The following EPC2 variants were observed in gnomAD, a reference collection of about 807,000 sequenced individuals.
EPC2 encodes enhancer of polycomb 2.
Under a neutral mutation model 92.1 loss-of-function variants are expected in EPC2, and 14 were observed. The ratio of observed to expected loss-of-function variants is 0.15; its 90% CI spans 0.10 to 0.24. The LOEUF (loss-of-function observed/expected upper bound fraction) is 0.24, where lower values mean the gene tolerates loss of function less well. Ranked by LOEUF, EPC2 falls within the 10% of genes least tolerant of loss-of-function variation. The pLI is 1.00. For synonymous variants in EPC2, 340 were observed against 334.7 expected, an observed-to-expected ratio of 1.02 and a Z score of -0.17; for missense variants, 755 against 971.5, an observed-to-expected ratio of 0.78 and a Z score of 2.96.
At chr2:148,702,149 T>C (rs1681902024) in intron 2 of EPC2, among the ~76,000 whole-genome samples, 1 of 152,188 alleles carries the variant, frequency 6.6e-6, no homozygotes, top group Admixed American at 6.5e-5. Flanking sequence ...AGAAGTCAGG[T>C]GGCTTGTTTT....
At chr2:148,766,237 A>C (rs866198475) in intron 7 of EPC2, among the ~76,000 whole-genome samples, 15 of 152,350 alleles carry the variant, frequency 9.8e-5, no homozygotes, top group Middle Eastern at 3.4e-3. Flanking sequence ...TTTAAAAACC[A>C]ACATTATAGA....
chr2:148,751,399 T>C (rs1005579838), intron 3 of EPC2, among the ~76,000 whole-genome samples: 6 of 152,126 alleles, frequency 3.9e-5, no homozygotes, highest in Non-Finnish European at 7.4e-5. Context: ...AAGTAAATAA[T>C]GTAAATCAAC....
intron 10 of EPC2, among the ~76,000 whole-genome samples, chr2:148,775,920 G>A (rs1191739483): frequency 1.3e-5 from 2 of 151,098 alleles, no homozygotes; most frequent in Non-Finnish European, 3.0e-5. Context: ...TGGGACTACA[G>A]GTGCCCACCA....
chr2:148,759,688 T>A (rs1285878302), intron 4 of EPC2, among the ~76,000 whole-genome samples: 1 of 152,124 alleles, frequency 6.6e-6, no homozygotes, highest in Non-Finnish European at 1.5e-5. Flanking sequence ...ATAGTACTGC[T>A]GATAATTTAT....
intron 2 of EPC2, among the ~76,000 whole-genome samples, chr2:148,694,851 C>G (rs1275784306): frequency 6.6e-6 from 1 of 152,186 alleles, no homozygotes; most frequent in Non-Finnish European, 1.5e-5. Flanking sequence ...CACAACCTTC[C>G]TCACCGCCCC....
At chr2:148,743,936 GA>G (rs1319044908) in intron 3 of EPC2, among the ~76,000 whole-genome samples, 169 bp downstream of exon 3, 2 of 152,038 alleles carry the variant, frequency 1.3e-5, no homozygotes, top group Non-Finnish European at 1.5e-5. Flanking sequence ...CAATTTCTTT[GA>G]ATAAGAGTAT....
chr2:148,786,458 GGATCACAGAGTGTAACAA>G lies in EPC2; in HGVS notation c.*82_*99del. The G allele has an allele frequency of 9.1e-7, 1 of 1,095,706 alleles. No individual in the cohort carries two copies. Among genetic ancestry groups the G allele is most frequent in the African/African-American group, 1.6e-5 (1 of 64,394 alleles). 67.9% of individuals were successfully genotyped at this position (1,095,706 alleles called of 1,614,324 possible). A position where few individuals can be genotyped will look rare whatever the true frequency, so the allele number is the denominator to read the frequency against. Reference sequence around the variant, plus strand: ...CTGAATGCAAAAGGCAACACTCTGTGGATCACAGAGTGTAACAATGGACCTAAATGGACTATAGTATAT... The same window carrying G: ...CTGAATGCAAAAGGCAACACTCTGTGTGGACCTAAATGGACTATAGTATAT... On this transcript the variant is annotated 3_prime_UTR_variant, in exon 14 of 14. Coordinates refer to ENST00000258484, the MANE Select transcript of EPC2 (RefSeq NM_015630.4).
chr2:148,686,672 C>A (rs1681532850), intron 1 of EPC2, among the ~76,000 whole-genome samples: 1 of 152,202 alleles, frequency 6.6e-6, no homozygotes, highest in South Asian at 2.1e-4. Flanking sequence ...TGAATGTTGT[C>A]TTAGCAGGCA....
chr2:148,768,798 G>A (rs548012849), intron 7 of EPC2, among the ~76,000 whole-genome samples: 42 of 152,014 alleles, frequency 2.8e-4, no homozygotes, highest in Admixed American at 8.5e-4. Context: ...ACCTATAGGT[G>A]AAGTAAATAT....
intron 2 of EPC2, among the ~76,000 whole-genome samples, chr2:148,718,627 C>G (rs537803181): frequency 6.6e-6 from 1 of 152,202 alleles, no homozygotes; most frequent in South Asian, 2.1e-4. Context: ...GATGGGCTTC[C>G]CCTTGTAGGT....
At chr2:148,688,462 A>G (rs1681574480) in intron 1 of EPC2, among the ~76,000 whole-genome samples, 1 of 152,188 alleles carries the variant, frequency 6.6e-6, no homozygotes, top group Non-Finnish European at 1.5e-5. Context: ...ACCTAATGCT[A>G]AATGATGAGT....
chr2:148,769,318 G>T lies in EPC2; in HGVS notation c.1230+78G>T, dbSNP rs867534041. 8 of 1,020,452 alleles carry T rather than the reference G, an allele frequency of 7.8e-6. No homozygotes were observed. The Middle Eastern group carries it at 1.2e-3, about 156-fold the overall frequency. The allele number at this position is 1,020,452 out of a possible 1,614,324, so 63.2% of individuals were successfully genotyped here. A position where few individuals can be genotyped will look rare whatever the true frequency, so the allele number is the denominator to read the frequency against. On this transcript the variant is annotated intron_variant, in intron 8 of 13. Coordinates refer to ENST00000258484, the MANE Select transcript of EPC2 (RefSeq NM_015630.4). ...ACCCATGTCAAGATGACTTAGTCTTGATCTAAAAATGGGAAATGCATCAGT... is the reference window on the plus strand; with the variant it reads ...ACCCATGTCAAGATGACTTAGTCTTTATCTAAAAATGGGAAATGCATCAGT...
intron 13 of EPC2, among the ~76,000 whole-genome samples, chr2:148,786,101 A>AT (rs1380997268): frequency 1.3e-5 from 2 of 152,242 alleles, no homozygotes; most frequent in African/African-American, 4.8e-5. Context: ...AATAGCCATA[A>AT]TAAAAAAATT....
Position 148,787,018 on chromosome 2 carries a change from T to C in EPC2, c.*641T>C, listed in dbSNP as rs1683881467. 6.6e-6 allele frequency: 1 copy of C among 152,650 alleles called. No homozygotes were observed. Among genetic ancestry groups the C allele is most frequent in the Non-Finnish European group, 1.5e-5 (1 of 68,048 alleles). 9.5% of individuals were successfully genotyped at this position (152,650 alleles called of 1,614,324 possible). On this transcript the variant is annotated 3_prime_UTR_variant, in exon 14 of 14. Transcript: ENST00000258484. Reference sequence around the variant, plus strand: ...CAAATTTAATGTAGTAACTCACTTTTCCATATATTTTGAATGTATATTTCT... The same window carrying C: ...CAAATTTAATGTAGTAACTCACTTTCCCATATATTTTGAATGTATATTTCT...
chr2:148,689,924 AG>A (rs1681610813), intron 1 of EPC2, among the ~76,000 whole-genome samples: 2 of 152,202 alleles, frequency 1.3e-5, no homozygotes, highest in South Asian at 4.1e-4. Context: ...TCTAGCAAAC[AG>A]ATTAATTTTT....
chr2:148,772,647 A>G (rs1683549612), intron 10 of EPC2, among the ~76,000 whole-genome samples: 1 of 152,276 alleles, frequency 6.6e-6, no homozygotes, highest in East Asian at 1.9e-4. Flanking sequence ...TTGGTTGGTT[A>G]ATTTTCTCCT....
At chr2:148,734,803 CT>C (rs35981733) in intron 2 of EPC2, among the ~76,000 whole-genome samples, 6,880 of 137,646 alleles carry the variant, frequency 0.05, 170 homozygotes, top group African/African-American at 0.089. Flanking sequence ...GAATTGATTT[CT>C]TTTTTTTTTT....
At chr2:148,695,901 A>G (rs557946477) in intron 2 of EPC2, among the ~76,000 whole-genome samples, 2 of 152,368 alleles carry the variant, frequency 1.3e-5, no homozygotes, top group Admixed American at 1.3e-4. Context: ...TGGAGAACAC[A>G]TTACAGGTGA....
At chr2:148,740,577 C>T (rs939024641) in intron 2 of EPC2, among the ~76,000 whole-genome samples, 38 of 152,072 alleles carry the variant, frequency 2.5e-4, no homozygotes, top group African/African-American at 8.9e-4. Context: ...CTTCCCCTGC[C>T]TCACAAGCTG....
Sources: gnomAD v4.1 joint callset for allele counts (sites outside exome capture counted in the v4.1 genomes callset) on GRCh38, gnomAD v4.1.1 for gene constraint, MANE v1.5 for transcripts, NCBI Gene and HGNC (gene_info 2026-07-23, HGNC 2026-07-21) for gene names.